The following CHD9 variants were observed in gnomAD, a reference collection of about 807,000 sequenced individuals.
CHD9 encodes ATP-dependent chromatin remodeler CHD9.
Under a neutral mutation model 316.1 loss-of-function variants are expected in CHD9, and 77 were observed. The observed-to-expected ratio is 0.24, with a 90% CI of 0.20 to 0.29. The LOEUF is 0.29. CHD9 is among the 10% of genes least tolerant of loss of function. The pLI is 1.00. For missense variants in CHD9, 2,763 were observed against 3,438.1 expected, an observed-to-expected ratio of 0.80 and a Z score of 4.91; for synonymous variants, 1,129 against 1,158.3, an observed-to-expected ratio of 0.97 and a Z score of 0.51.
At chr16:53,129,542 A>T (rs1187043991) in intron 1 of CHD9, among the ~76,000 whole-genome samples, 1 of 152,220 alleles carries the variant, frequency 6.6e-6, no homozygotes, top group East Asian at 1.9e-4. Flanking sequence ...AAAGAATGAA[A>T]TTACTTGGCA....
intron 1 of CHD9, among the ~76,000 whole-genome samples, chr16:53,066,432 T>C (rs981275831): frequency 6.6e-6 from 1 of 152,220 alleles, no homozygotes; most frequent in African/African-American, 2.4e-5. Context: ...ATGTACATTA[T>C]GTACATGGCC....
At chr16:53,228,938 G>T (rs1230888273) in intron 7 of CHD9, 45 bp from the exon 8 acceptor site, 1 of 872,762 alleles carries the variant, frequency 1.1e-6, no homozygotes, top group South Asian at 1.9e-5. Flanking sequence ...ATCTTAAAAT[G>T]GTTATCTGTG....
chr16:53,319,233 A>C (rs945253577), intron 37 of CHD9, among the ~76,000 whole-genome samples: 6 of 152,208 alleles, frequency 3.9e-5, no homozygotes, highest in Non-Finnish European at 8.8e-5. Flanking sequence ...GTGTAAGTAC[A>C]TCACATTTCT....
chr16:53,214,452 G>A (rs537225011), intron 3 of CHD9, among the ~76,000 whole-genome samples: 22 of 152,220 alleles, frequency 1.4e-4, no homozygotes, highest in African/African-American at 4.1e-4. Flanking sequence ...AAACGAAAGA[G>A]CAGTTGTCAA....
intron 31 of CHD9, among the ~76,000 whole-genome samples, chr16:53,305,556 A>C (rs945498233): frequency 6.6e-6 from 1 of 152,252 alleles, no homozygotes; most frequent in African/African-American, 2.4e-5. Context: ...GAACAAGTTG[A>C]TTAGTGAACA....
In CHD9 at chr16:53,176,314, T is replaced by A. The variant is rs1306459049; in HGVS notation, c.1452+18773T>A. On this transcript the variant is annotated intron_variant, in intron 2 of 38. Transcript: ENST00000447540. ...GTTGTATCACCCTAATGTTTTTGTT[T>A]TGTTTTGTTTTTGTTTTTCCTCCGT... Among the ~76,000 whole-genome samples, 3 of 152,356 alleles carry A rather than the reference T, an allele frequency of 2.0e-5. No individual in the cohort carries two copies. In the East Asian group the frequency reaches 5.8e-4, roughly 29 times the overall value.
chr16:53,148,650 A>G (rs1053609829), intron 1 of CHD9, among the ~76,000 whole-genome samples: 1 of 152,172 alleles, frequency 6.6e-6, no homozygotes, highest in Non-Finnish European at 1.5e-5. Context: ...TTTTTGATGA[A>G]ATATCGAATG....
intron 2 of CHD9, among the ~76,000 whole-genome samples, chr16:53,180,240 C>T (rs755021042): frequency 6.6e-6 from 1 of 152,036 alleles, no homozygotes; most frequent in Non-Finnish European, 1.5e-5. Context: ...CTGCTGACCT[C>T]AGGTGATCCA....
In CHD9 at chr16:53,254,492, C is replaced by A. The variant is rs1398424146; in HGVS notation, c.3916C>A (p.Leu1306Met). 1.2e-6 allele frequency: 2 copies of A among 1,612,992 alleles called. No homozygotes were observed. Among genetic ancestry groups the A allele is most frequent in the East Asian group, 4.5e-5 (2 of 44,866 alleles). Residue 1306 changes from leucine to methionine, a missense_variant, in exon 18 of 39, where the codon CTG becomes ATG. Physicochemically the swap from Leu to Met is conservative, Grantham distance 15 (BLOSUM62 2). This residue lies in a region of CHD9 where 199 missense variants were observed against 251.7 expected (regional missense o/e 0.79). Transcript: ENST00000447540. The stretch of plus-strand genomic sequence containing the variant: ...GAACAAAGCAGTTAAAGTCTACAGA[C>A]TGGTAACTCGTAACTCATATGAGAG... ...GQNKAVKVYR[L>M]VTRNSYEREM...
intron 3 of CHD9, among the ~76,000 whole-genome samples, chr16:53,217,189 G>A (rs1402884325): frequency 6.6e-6 from 1 of 152,014 alleles, no homozygotes; most frequent in Non-Finnish European, 1.5e-5. Flanking sequence ...GTAACATACT[G>A]GCCAGTTATT....
intron 24 of CHD9, among the ~76,000 whole-genome samples, chr16:53,281,382 A>G (rs1291338247): frequency 6.6e-6 from 1 of 152,134 alleles, no homozygotes; most frequent in South Asian, 2.1e-4. Flanking sequence ...GACAAAATAC[A>G]TGCCAAATCT....
intron 1 of CHD9, among the ~76,000 whole-genome samples, chr16:53,137,316 G>A (rs1022854807): frequency 6.6e-6 from 1 of 152,026 alleles, no homozygotes; most frequent in Non-Finnish European, 1.5e-5. Context: ...CATTCTCATT[G>A]CTGTTGATTC....
intron 10 of CHD9, among the ~76,000 whole-genome samples, chr16:53,233,124 T>C (rs904619935): frequency 1.3e-5 from 2 of 152,144 alleles, no homozygotes; most frequent in African/African-American, 4.8e-5. Flanking sequence ...TCCCACATCT[T>C]GAGGGTTCAG....
intron 3 of CHD9, among the ~76,000 whole-genome samples, chr16:53,214,847 AC>A (rs2046608539): frequency 2.0e-5 from 3 of 152,164 alleles, no homozygotes; most frequent in Admixed American, 2.0e-4. Flanking sequence ...GCCAGTTAAA[AC>A]TATGGCATGT....
chr16:53,089,633 A>G (rs971828337), intron 1 of CHD9, among the ~76,000 whole-genome samples: 6 of 152,200 alleles, frequency 3.9e-5, no homozygotes, highest in African/African-American at 1.4e-4. Flanking sequence ...CAGAGACACA[A>G]CTGGCTCTGA....
chr16:53,094,153 G>A (rs1353634953), intron 1 of CHD9, among the ~76,000 whole-genome samples: 1 of 152,232 alleles, frequency 6.6e-6, no homozygotes, highest in Non-Finnish European at 1.5e-5. Flanking sequence ...CGCAGAGCAG[G>A]AGAGAAGGTG....
chr16:53,275,669 T>G (rs903025362), intron 24 of CHD9, among the ~76,000 whole-genome samples: 4 of 151,538 alleles, frequency 2.6e-5, no homozygotes, highest in Non-Finnish European at 5.9e-5. Flanking sequence ...AACCCCCCAT[T>G]CTCAGCAAAT....
intron 12 of CHD9, among the ~76,000 whole-genome samples, chr16:53,239,933 A>G (rs2048950700): frequency 1.3e-5 from 2 of 152,180 alleles, no homozygotes; most frequent in South Asian, 2.1e-4. Flanking sequence ...TTAATTTCGT[A>G]TAAATGTAAT....
rs1166207121 is a variant in CHD9, at chr16:53,326,979, T to G, written c.*2084T>G. On this transcript the variant is annotated 3_prime_UTR_variant, in exon 39 of 39. Transcript: ENST00000447540. ...CTAATTATGGTCAAATAAATTTGGT[T>G]AACATCCTAGTGATTCTCTTTCTAT... 1 of 152,454 alleles carries G rather than the reference T, an allele frequency of 6.6e-6. No individual in the cohort carries two copies. Among genetic ancestry groups the G allele is most frequent in the Non-Finnish European group, 1.5e-5 (1 of 67,916 alleles). 9.4% of individuals were successfully genotyped at this position (152,454 alleles called of 1,614,324 possible).
Sources: gnomAD v4.1 joint callset for allele counts (sites outside exome capture counted in the v4.1 genomes callset) on GRCh38, gnomAD v4.1.1 for gene constraint, gnomAD v4.1.1 regional missense constraint, MANE v1.5 for transcripts, NCBI Gene and HGNC (gene_info 2026-07-23, HGNC 2026-07-21) for gene names.